The following ZBTB25 variants were observed in gnomAD, a reference collection of about 807,000 sequenced individuals.
The protein encoded by ZBTB25 is zinc finger and BTB domain containing 25.
A neutral mutation model predicts 34.2 loss-of-function variants in ZBTB25; 20 were observed. The observed-to-expected ratio is 0.58, with a 90% CI of 0.41 to 0.85. The LOEUF is 0.85. Among genes scored for constraint, ZBTB25 ranks in the 40% least tolerant of loss-of-function variants. The pLI is 0.00. For missense variants in ZBTB25, 437 were observed against 521.8 expected (o/e 0.84, Z 1.58); for synonymous variants, 175 against 186.4 (o/e 0.94, Z 0.50).
chr14:64,476,922 T>A (rs1282046829), downstream of ZBTB25, among the ~76,000 whole-genome samples: 1 of 152,194 alleles, frequency 6.6e-6, no homozygotes, highest in Non-Finnish European at 1.5e-5. Flanking sequence ...TTCATCAAAC[T>A]CTAAGACTTA....
downstream of ZBTB25, among the ~76,000 whole-genome samples, chr14:64,476,581 A>AG (rs1245181580): frequency 1.3e-5 from 2 of 152,206 alleles, no homozygotes; most frequent in Admixed American, 6.5e-5. Context: ...TCAGCCTCCC[A>AG]AAGTGCTGGG....
At chr14:64,504,817 G>A (rs1004899938), upstream of ZBTB25, 16 of 390,486 alleles carry the variant, frequency 4.1e-5, no homozygotes, top group Middle Eastern at 6.5e-4. Context: ...GCGCAGCCCA[G>A]CCCGAGCGCC....
At chr14:64,468,425 G>C in intron 2 of ZBTB25, 1 of 1,604,022 alleles carries the variant, frequency 6.2e-7, no homozygotes, top group Non-Finnish European at 8.5e-7. Context: ...AATTCATGTA[G>C]AAAACAAGGA....
At chr14:64,455,009 A>T in intron 2 of ZBTB25, 1 of 875,576 alleles carries the variant, frequency 1.1e-6, no homozygotes, top group Non-Finnish European at 1.9e-6. Context: ...GCCTATTATG[A>T]TTGCTGTGGA....
upstream of ZBTB25, chr14:64,504,159 C>G (rs1380295199): frequency 6.5e-6 from 1 of 152,710 alleles, no homozygotes; most frequent in Non-Finnish European, 1.5e-5. Flanking sequence ...GCCAGGGAGG[C>G]CGAGCCGCGG....
intron 2 of ZBTB25, chr14:64,462,934 T>G (rs1320637237): frequency 6.6e-6 from 1 of 152,024 alleles, no homozygotes. Flanking sequence ...AGGCAATGGG[T>G]AGAGATCAAG....
At position 64,481,271 on chromosome 14, in the gene ZBTB25, C is replaced by G. The variant is rs545851047; in HGVS notation, c.*5652G>C. 2.0e-5 allele frequency: 3 copies of G among 151,468 alleles called. No homozygotes were observed. The highest frequency in any genetic ancestry group is 2.9e-5 in the Non-Finnish European group (2 of 67,880). 9.4% of individuals were successfully genotyped at this position (151,468 alleles called of 1,614,324 possible). On this transcript the variant is annotated 3_prime_UTR_variant, in exon 3 of 3. Transcript: ENST00000608382. ...ATGAGGTCTCACTATATTGCCCAGG[C>G]TGGTCTCGGACTCCTGGGCCTTGGC...
In ZBTB25 at chr14:64,487,305, G is replaced by A. The variant is rs1159184585; in HGVS notation, c.926C>T (p.Pro309Leu). ...SFIVKENEQQ[P>L]DHTNRGTTEP... ...TGTGGTACCCCGGTTGGTGTGGTCT[G>A]GCTGCTGTTCATTCTCCTTAACAAT... Residue 309 changes from proline (P) to leucine (L), a missense_variant, in exon 3 of 3, where the codon CCA becomes CTA. Coordinates refer to ENST00000608382, the MANE Select transcript of ZBTB25 (RefSeq NM_006977.5). The A allele has an allele frequency of 6.8e-6, 11 of 1,613,904 alleles. No individual in the cohort carries two copies. In the Admixed American group the frequency reaches 1.7e-4, roughly 24 times the overall value.
At chr14:64,460,097 G>A (rs1051651429) in intron 2 of ZBTB25, 20 of 615,606 alleles carry the variant, frequency 3.2e-5, no homozygotes, top group Non-Finnish European at 5.3e-5. Context: ...CAGACCCTTG[G>A]GCTGAAGATG....
At chr14:64,497,040 G>A (rs1235656542) in intron 1 of ZBTB25, among the ~76,000 whole-genome samples, 1 of 152,080 alleles carries the variant, frequency 6.6e-6, no homozygotes, top group East Asian at 1.9e-4. Context: ...TAAACCCAGG[G>A]CCCTTTCTTC....
chr14:64,500,822 G>A (rs1318938399), intron 1 of ZBTB25, among the ~76,000 whole-genome samples: 1 of 152,136 alleles, frequency 6.6e-6, no homozygotes, highest in Non-Finnish European at 1.5e-5. Context: ...AGGCCAAGGT[G>A]GGCGGATCAC....
intron 1 of ZBTB25, chr14:64,502,516 G>A (rs1229992817): frequency 1.2e-5 from 5 of 422,814 alleles, no homozygotes; most frequent in Non-Finnish European, 1.6e-5. Flanking sequence ...ACTTTCAGGG[G>A]TGGCTGGGGG....
In ZBTB25 at chr14:64,479,557, C is replaced by A. The variant is rs1022740771; in HGVS notation, c.*7366G>T. On this transcript the variant is annotated 3_prime_UTR_variant, in exon 3 of 3. Coordinates refer to ENST00000608382, the MANE Select transcript of ZBTB25 (RefSeq NM_006977.5). ...AGACAAAATCTGAATCAGTAGACTG[C>A]GTAAAGAAGATCACCCTCCCTGATG... 1 of 152,176 alleles carries A rather than the reference C, an allele frequency of 6.6e-6. No individual in the cohort carries two copies. The highest frequency in any genetic ancestry group is 1.5e-5 in the Non-Finnish European group (1 of 68,046). The allele number at this position is 152,176 out of a possible 1,614,324, so 9.4% of individuals were successfully genotyped here. A position where few individuals can be genotyped will look rare whatever the true frequency, so the allele number is the denominator to read the frequency against.
intron 2 of ZBTB25, chr14:64,470,610 A>AAGG (rs373420644): frequency 6.6e-6 from 1 of 151,140 alleles, no homozygotes. Flanking sequence ...AAAAAAAAAA[A>AAGG]GAGAACCATT....
chr14:64,461,823 C>G (rs900209936), intron 2 of ZBTB25: 2 of 152,284 alleles, frequency 1.3e-5, no homozygotes, highest in Non-Finnish European at 2.9e-5. Context: ...TCTCAAACTC[C>G]TGGCCTCAAG....
At chr14:64,475,737 G>GT (rs2078714217), downstream of ZBTB25, among the ~76,000 whole-genome samples, 1 of 152,170 alleles carries the variant, frequency 6.6e-6, no homozygotes, top group African/African-American at 2.4e-5. Context: ...ACAATGAGCA[G>GT]TGAAGGGAAA....
intron 1 of ZBTB25, among the ~76,000 whole-genome samples, chr14:64,495,856 G>A (rs1347209505): frequency 6.6e-6 from 1 of 152,034 alleles, no homozygotes. Context: ...TCTGGAGGCT[G>A]AGGCAGGTGA....
At chr14:64,503,243 CAGT>C in intron 1 of ZBTB25, 2 of 985,464 alleles carry the variant, frequency 2.0e-6, no homozygotes, top group African/African-American at 3.5e-5. Flanking sequence ...GGAGTGGAAA[CAGT>C]AGCCGCAGCG....
rs141831309 is a variant in ZBTB25, at chr14:64,485,979, ATGTCTCTCT to A, written c.*935_*943del. ...CTTACTGTTTCTTAAATATTTTTTA[ATGTCTCTCT>A]GACTCTTCTCCCTTTAACTGTTTTT... is the stretch of plus-strand genomic sequence containing the variant. On this transcript the variant is annotated 3_prime_UTR_variant, in exon 3 of 3. Transcript: ENST00000608382. The A allele has an allele frequency of 2.4e-3, 2,389 of 984,322 alleles. 38 individuals carry two copies. In the African/African-American group the frequency reaches 0.038, roughly 16 times the overall value. 61.0% of individuals were successfully genotyped at this position (984,322 alleles called of 1,614,324 possible).
Sources: allele counts gnomAD v4.1 joint callset (sites outside exome capture counted in the v4.1 genomes callset), GRCh38; gene constraint gnomAD v4.1.1; transcripts MANE v1.5; gene names NCBI Gene and HGNC (gene_info 2026-07-23, HGNC 2026-07-21).